GTF2A1L: variants seen among roughly 807,000 people sequenced by gnomAD.
The protein encoded by GTF2A1L is TFIIA-alpha and beta-like factor.
Under a neutral mutation model 49.7 loss-of-function variants are expected in GTF2A1L, and 48 were observed. That is an observed-to-expected ratio of 0.97 (90% CI 0.77 to 1.23). The LOEUF is 1.23. Ranked by LOEUF, GTF2A1L falls within the 50% of genes most tolerant of loss-of-function variation. The pLI is 0.00. For missense variants in GTF2A1L, 736 were observed against 564.8 expected, an observed-to-expected ratio of 1.30 and a Z score of -3.07; for synonymous variants, 246 against 193.5, an observed-to-expected ratio of 1.27 and a Z score of -2.25.
chr2:48,622,470 A>C (rs1177760347), intron 3 of GTF2A1L, among the ~76,000 whole-genome samples: 1 of 151,154 alleles, frequency 6.6e-6, no homozygotes, highest in South Asian at 2.1e-4. Flanking sequence ...GAGTTTTGTT[A>C]ATCACTGTTT....
intron 6 of GTF2A1L, among the ~76,000 whole-genome samples, chr2:48,652,240 T>A (rs1212246267): frequency 6.6e-6 from 1 of 152,184 alleles, no homozygotes; most frequent in Non-Finnish European, 1.5e-5. Context: ...TATCCTTGTC[T>A]GGCAAGGTAA....
At chr2:48,673,742 G>A (rs746975538) in intron 8 of GTF2A1L, among the ~76,000 whole-genome samples, 4 of 152,124 alleles carry the variant, frequency 2.6e-5, no homozygotes, top group Non-Finnish European at 5.9e-5. Context: ...GAGGAAAAAA[G>A]GATATGATCT....
At chr2:48,618,028 T>G (rs1180695373) in intron 1 of GTF2A1L, 133 bp downstream of exon 1, 1 of 933,640 alleles carries the variant, frequency 1.1e-6, no homozygotes, top group Non-Finnish European at 1.6e-6. Flanking sequence ...CCTTAGGGGC[T>G]GGGGCTCTTC....
intron 6 of GTF2A1L, among the ~76,000 whole-genome samples, chr2:48,659,538 G>A (rs753852871): frequency 1.3e-5 from 2 of 152,012 alleles, no homozygotes; most frequent in East Asian, 3.8e-4. Flanking sequence ...TAGAGATTGT[G>A]TTGGCTCTTT....
intron 1 of GTF2A1L, among the ~76,000 whole-genome samples, chr2:48,620,649 C>T (rs1675933678): frequency 6.6e-6 from 1 of 152,062 alleles, no homozygotes; most frequent in Non-Finnish European, 1.5e-5. Flanking sequence ...TGGTGGCATG[C>T]ACCTGTAATC....
rs916950697 is a variant in GTF2A1L at position 48,671,729 on chromosome 2, T to A, written c.1329+49T>A. 5 of 1,493,506 alleles carry A rather than the reference T, an allele frequency of 3.3e-6. No individual in the cohort carries two copies. The Admixed American group carries it at 5.6e-5, about 17-fold the overall frequency. 92.5% of individuals were successfully genotyped at this position (1,493,506 alleles called of 1,614,324 possible). On this transcript the variant is annotated intron_variant, in intron 8 of 8. Transcript: ENST00000403751. ...TTGGGTTTATTAACTGCATTTATAG[T>A]AGAAAGGTATGTAAAATGATGGGAA...
At chr2:48,634,250 G>A (rs552293584) in intron 3 of GTF2A1L, among the ~76,000 whole-genome samples, 9 of 152,146 alleles carry the variant, frequency 5.9e-5, no homozygotes, top group Admixed American at 3.3e-4. Flanking sequence ...TAGCTGGGAT[G>A]GCAGGCGAGC....
At chr2:48,674,476 C>G (rs1296662883) in intron 8 of GTF2A1L, among the ~76,000 whole-genome samples, 2 of 151,936 alleles carry the variant, frequency 1.3e-5, no homozygotes, top group African/African-American at 4.8e-5. Context: ...AATAAGGTCA[C>G]TTTCTCCACT....
intron 3 of GTF2A1L, chr2:48,632,474 C>T (rs1396373637): frequency 6.6e-6 from 1 of 152,104 alleles, no homozygotes; most frequent in South Asian, 2.1e-4. Context: ...CCTCCGACTC[C>T]CTGGTTCAAG....
At chr2:48,650,249 T>TAA (rs1677770744) in intron 6 of GTF2A1L, among the ~76,000 whole-genome samples, 3 of 152,168 alleles carry the variant, frequency 2.0e-5, no homozygotes, top group African/African-American at 4.8e-5. Context: ...GATCTAGAAT[T>TAA]ACGTTTATTT....
rs367744004 is a variant in GTF2A1L, at chr2:48,679,309, A to C, written c.1330-26A>C. On this transcript the variant is annotated intron_variant, in intron 8 of 8. Transcript: ENST00000403751. The stretch of plus-strand genomic sequence containing the variant: ...GATCCTTTAACTTGTAAAATTAATT[A>C]ATGTAAACTACTTTTCTCCCTCCAG... The C allele has an allele frequency of 1.1e-4, 181 of 1,599,936 alleles. No homozygotes were observed. The African/African-American group carries it at 1.8e-3, about 16-fold the overall frequency.
At chr2:48,623,042 T>C (rs1676096293) in intron 3 of GTF2A1L, among the ~76,000 whole-genome samples, 1 of 152,154 alleles carries the variant, frequency 6.6e-6, no homozygotes, top group African/African-American at 2.4e-5. Flanking sequence ...AAATAGTTTT[T>C]CTCCTTATTC....
chr2:48,619,421 G>T (rs1427251399), intron 1 of GTF2A1L, among the ~76,000 whole-genome samples: 1 of 150,464 alleles, frequency 6.6e-6, no homozygotes, highest in Non-Finnish European at 1.5e-5. Context: ...AGTGGGCCCA[G>T]ATTGTGCTAC....
intron 6 of GTF2A1L, among the ~76,000 whole-genome samples, chr2:48,662,517 CAG>C (rs1239352073): frequency 6.6e-6 from 1 of 152,020 alleles, no homozygotes; most frequent in Non-Finnish European, 1.5e-5. Context: ...GATGGTAAGG[CAG>C]AGTTTATTCA....
chr2:48,620,581 C>T (rs1313179539), intron 1 of GTF2A1L, among the ~76,000 whole-genome samples: 2 of 152,044 alleles, frequency 1.3e-5, no homozygotes, highest in African/African-American at 4.8e-5. Flanking sequence ...AGTTCGAGAC[C>T]AGCCTGACCA....
rs1033676941 is a variant in GTF2A1L, at chr2:48,626,098, T to C, written c.247+4808T>C. Among the ~76,000 whole-genome samples the C allele has an allele frequency of 6.4e-4, 93 of 144,364 alleles. 6 individuals are homozygous for C. The highest frequency in any genetic ancestry group is 2.0e-3 in the African/African-American group (81 of 40,628). 94.7% of individuals were successfully genotyped at this position (144,364 alleles called of 152,430 possible). ...TCTTTTGTGTGTGGAAATTCACTTC[T>C]TCCACCAACAACCATTTATTGAAGA... On this transcript the variant is annotated intron_variant, in intron 3 of 8. Coordinates refer to ENST00000403751, the MANE Select transcript of GTF2A1L (RefSeq NM_006872.5).
chr2:48,669,507 T>C (rs551866389), intron 6 of GTF2A1L, among the ~76,000 whole-genome samples: 26 of 152,316 alleles, frequency 1.7e-4, no homozygotes, highest in Non-Finnish European at 2.9e-5. Flanking sequence ...CCTGTGATTG[T>C]AAGTGGGTTA....
At chr2:48,621,341 T>A in intron 3 of GTF2A1L, 51 bp downstream of exon 3, 1 of 1,612,032 alleles carries the variant, frequency 6.2e-7, no homozygotes, top group East Asian at 2.2e-5. Flanking sequence ...GAACAAATTC[T>A]CATTTGGGAA....
intron 3 of GTF2A1L, among the ~76,000 whole-genome samples, chr2:48,634,356 C>T (rs1676766184): frequency 6.6e-6 from 1 of 152,178 alleles, no homozygotes; most frequent in South Asian, 2.1e-4. Flanking sequence ...AGTGATCTGC[C>T]TGCCTCGGCC....
Sources: allele counts gnomAD v4.1 joint callset (sites outside exome capture counted in the v4.1 genomes callset), GRCh38; gene constraint gnomAD v4.1.1; transcripts MANE v1.5; gene names NCBI Gene and HGNC (gene_info 2026-07-23, HGNC 2026-07-21).